Variants in IMMP2L observed in about 807,000 individuals in gnomAD.
The protein encoded by IMMP2L is inner mitochondrial membrane peptidase subunit 2, also known as mitochondrial inner membrane protease subunit 2.
IMMP2L carries 18 observed loss-of-function variants against 19.3 expected under a neutral mutation model. The ratio of observed to expected loss-of-function variants is 0.93; its 90% CI spans 0.64 to 1.38. The LOEUF (loss-of-function observed/expected upper bound fraction) is 1.38. Ranked by LOEUF, IMMP2L falls within the 40% of genes most tolerant of loss-of-function variation. The pLI is 0.00. For missense variants in IMMP2L, 233 were observed against 218.2 expected (o/e 1.07, Z -0.43); for synonymous variants, 76 against 73.0 (o/e 1.04, Z -0.21).
intron 3 of IMMP2L, among the ~76,000 whole-genome samples, chr7:111,315,656 T>C (rs1361319706): frequency 2.6e-5 from 4 of 151,836 alleles, no homozygotes; most frequent in Admixed American, 6.6e-5. Context: ...CACCGCCACG[T>C]AGTCTTTCAG....
At chr7:111,105,452 C>T (rs77625070) in intron 3 of IMMP2L, among the ~76,000 whole-genome samples, 2 of 151,844 alleles carry the variant, frequency 1.3e-5, no homozygotes, top group Non-Finnish European at 2.9e-5. Flanking sequence ...AGACTGCATA[C>T]GTTACCATCT....
At chr7:110,917,228 G>T (rs1025735598) in intron 4 of IMMP2L, among the ~76,000 whole-genome samples, 2 of 152,188 alleles carry the variant, frequency 1.3e-5, no homozygotes, top group Non-Finnish European at 2.9e-5. Flanking sequence ...GGGAATCTCT[G>T]GAGGGAGCAC....
At chr7:110,835,322 T>C (rs1804346281) in intron 5 of IMMP2L, among the ~76,000 whole-genome samples, 1 of 152,142 alleles carries the variant, frequency 6.6e-6, no homozygotes, top group Non-Finnish European at 1.5e-5. Flanking sequence ...TAAAGGTGTT[T>C]ATTATCTGAG....
At chr7:110,986,997 G>A (rs184366222) in intron 3 of IMMP2L, among the ~76,000 whole-genome samples, 37 of 152,086 alleles carry the variant, frequency 2.4e-4, no homozygotes, top group African/African-American at 8.7e-4. Flanking sequence ...AACTCTCACC[G>A]AAATAGTAAA....
chr7:111,027,825 A>G (rs1288415022), intron 3 of IMMP2L, among the ~76,000 whole-genome samples: 1 of 152,148 alleles, frequency 6.6e-6, no homozygotes, highest in Non-Finnish European at 1.5e-5. Context: ...TTTACATTTC[A>G]TGGGGCAGAA....
chr7:110,682,260 C>G (rs1010594314), intron 5 of IMMP2L, among the ~76,000 whole-genome samples: 1 of 152,162 alleles, frequency 6.6e-6, no homozygotes, highest in African/African-American at 2.4e-5. Flanking sequence ...CCTTTCCACA[C>G]AGTGCCTACA....
At chr7:111,337,454 ATGG>A (rs1178281529) in intron 3 of IMMP2L, among the ~76,000 whole-genome samples, 2 of 36,462 alleles carry the variant, frequency 5.5e-5, no homozygotes, top group Admixed American at 3.2e-4. Context: ...GGATGGAAGG[ATGG>A]ATGGATGGAT....
chr7:110,921,485 C>T (rs1350383744), intron 4 of IMMP2L, among the ~76,000 whole-genome samples: 1 of 152,214 alleles, frequency 6.6e-6, no homozygotes, highest in Non-Finnish European at 1.5e-5. Context: ...CATTATTCCT[C>T]TGCATTATTT....
chr7:111,343,613 C>T lies in IMMP2L; in HGVS notation c.239+143625G>A, dbSNP rs947775145. 2.0e-5 allele frequency among the ~76,000 whole-genome samples: 3 copies of T among 152,078 alleles called. 1 individual carries two copies. Among genetic ancestry groups the T allele is most frequent in the African/African-American group, 7.2e-5 (3 of 41,404 alleles). On this transcript the variant is annotated intron_variant, in intron 3 of 5. Coordinates refer to ENST00000405709, the MANE Select transcript of IMMP2L (RefSeq NM_032549.4). Reference sequence around the variant, plus strand: ...AAGAGAGGGACCATTTCTCTGTGTCCCTGCTCTATATACAATGGCACTTAG... The same window carrying T: ...AAGAGAGGGACCATTTCTCTGTGTCTCTGCTCTATATACAATGGCACTTAG...
At chr7:110,842,403 A>G (rs1805179373) in intron 5 of IMMP2L, among the ~76,000 whole-genome samples, 1 of 152,158 alleles carries the variant, frequency 6.6e-6, no homozygotes, top group African/African-American at 2.4e-5. Flanking sequence ...GTTCGGGTCC[A>G]CAGGCCACAG....
intron 3 of IMMP2L, among the ~76,000 whole-genome samples, chr7:110,970,534 T>C (rs1008223864): frequency 6.6e-6 from 1 of 152,090 alleles, no homozygotes; most frequent in Non-Finnish European, 1.5e-5. Context: ...TATTCCCTAA[T>C]TTATTTTGTA....
At chr7:111,003,162 T>C (rs1173628299) in intron 3 of IMMP2L, among the ~76,000 whole-genome samples, 2 of 152,166 alleles carry the variant, frequency 1.3e-5, no homozygotes, top group African/African-American at 4.8e-5. Flanking sequence ...TCAAAATAAC[T>C]TGGTTGTGTT....
At chr7:111,306,259 G>T (rs1822856078) in intron 3 of IMMP2L, among the ~76,000 whole-genome samples, 6 of 152,102 alleles carry the variant, frequency 3.9e-5, no homozygotes, top group Admixed American at 3.9e-4. Flanking sequence ...CTTGTCCAAA[G>T]CCATAGAATG....
At chr7:111,298,876 G>C (rs1469118509) in intron 3 of IMMP2L, among the ~76,000 whole-genome samples, 1 of 151,808 alleles carries the variant, frequency 6.6e-6, no homozygotes, top group Non-Finnish European at 1.5e-5. Flanking sequence ...TTCAATGCAA[G>C]AAGAAGAATG....
chr7:111,210,239 A>G (rs1411084041), intron 3 of IMMP2L, among the ~76,000 whole-genome samples: 2 of 152,202 alleles, frequency 1.3e-5, no homozygotes, highest in African/African-American at 2.4e-5. Context: ...GTAGAGAATT[A>G]ATTGATTAGT....
chr7:111,547,013 A>G (rs926037842), intron 1 of IMMP2L, among the ~76,000 whole-genome samples: 16 of 152,190 alleles, frequency 1.1e-4, no homozygotes, highest in Admixed American at 9.8e-4. Context: ...AAGCAGAGCC[A>G]GGTAGGATAG....
intron 3 of IMMP2L, among the ~76,000 whole-genome samples, chr7:111,395,500 T>A (rs1832775616): frequency 6.6e-6 from 1 of 152,192 alleles, no homozygotes; most frequent in Non-Finnish European, 1.5e-5. Context: ...GTATAAGAAA[T>A]ATCTACATTT....
intron 3 of IMMP2L, among the ~76,000 whole-genome samples, chr7:110,988,968 G>A (rs1238757360): frequency 1.3e-5 from 2 of 152,086 alleles, no homozygotes; most frequent in Non-Finnish European, 2.9e-5. Flanking sequence ...CAGGTGCGGT[G>A]GCTCATGTCT....
chr7:111,207,405 A>C (rs958732751), intron 3 of IMMP2L, among the ~76,000 whole-genome samples: 1 of 152,172 alleles, frequency 6.6e-6, no homozygotes, highest in African/African-American at 2.4e-5. Flanking sequence ...TATTATGCTG[A>C]CTTCTAAGAA....
Sources: gnomAD v4.1 joint callset for allele counts (sites outside exome capture counted in the v4.1 genomes callset) on GRCh38, gnomAD v4.1.1 for gene constraint, MANE v1.5 for transcripts, NCBI Gene and HGNC (gene_info 2026-07-23, HGNC 2026-07-21) for gene names.